Variants in HDX observed in about 807,000 individuals in gnomAD.
HDX encodes the protein chromosome X open reading frame 43.
HDX carries 19 observed loss-of-function variants against 45.2 expected under a neutral mutation model. The ratio of observed to expected loss-of-function variants is 0.42; its 90% CI spans 0.29 to 0.62. HDX has a LOEUF of 0.62. HDX is among the 20% of genes least tolerant of loss of function. The pLI is 0.20. For missense variants in HDX, 532 were observed against 493.9 expected, an observed-to-expected ratio of 1.08 and a Z score of -0.73; for synonymous variants, 188 against 172.8, an observed-to-expected ratio of 1.09 and a Z score of -0.69.
chrX:84,366,304 C>T (rs1389542333), intron 5 of HDX, among the ~76,000 whole-genome samples: 2 of 111,439 alleles, frequency 1.8e-5, no homozygotes, highest in South Asian at 3.8e-4. Flanking sequence ...TCAAGGAGAA[C>T]TACAAACCAC....
chrX:84,369,924 T>C (rs1378088660), intron 5 of HDX, among the ~76,000 whole-genome samples: 2 of 112,300 alleles, frequency 1.8e-5, no homozygotes, highest in Admixed American at 1.9e-4. Context: ...ATCTTTGTGG[T>C]AGTTAATTTA....
At chrX:84,363,050 C>T (rs1011498617) in intron 5 of HDX, among the ~76,000 whole-genome samples, 6 of 111,079 alleles carry the variant, frequency 5.4e-5, no homozygotes, top group Non-Finnish European at 1.1e-4. Flanking sequence ...TGTGTGTGTG[C>T]GAATAAATTT....
chrX:84,331,788 G>A (rs1173037956), intron 9 of HDX, among the ~76,000 whole-genome samples: 1 of 111,481 alleles, frequency 9.0e-6, no homozygotes, highest in Non-Finnish European at 1.9e-5. Flanking sequence ...ATTGCCTACA[G>A]TATTCAATAC....
intron 5 of HDX, among the ~76,000 whole-genome samples, chrX:84,394,951 T>C (rs2038525729): frequency 9.0e-6 from 1 of 111,391 alleles, no homozygotes; most frequent in South Asian, 3.7e-4. Context: ...TTATTCAGCA[T>C]GTCTACATCT....
chrX:84,385,435 A>G (rs1392411894), intron 5 of HDX, among the ~76,000 whole-genome samples: 18 of 107,138 alleles, frequency 1.7e-4, no homozygotes, highest in African/African-American at 4.1e-4. Flanking sequence ...GGATGGTCTC[A>G]ATCTCCTGAC....
chrX:84,447,270 T>C (rs1332959269), intron 4 of HDX, among the ~76,000 whole-genome samples: 1 of 111,073 alleles, frequency 9.0e-6, no homozygotes, highest in Non-Finnish European at 1.9e-5. Flanking sequence ...AAACAGCAAG[T>C]AGATAATCAC....
At chrX:84,334,342 CTAAT>C (rs2036909421) in intron 8 of HDX, among the ~76,000 whole-genome samples, 1 of 110,531 alleles carries the variant, frequency 9.0e-6, no homozygotes, top group South Asian at 3.8e-4. Context: ...AGCTTGACAA[CTAAT>C]TAAAAGCAGG....
At chrX:84,495,417 A>G (rs1179697686) in intron 1 of HDX, among the ~76,000 whole-genome samples, 1 of 111,597 alleles carries the variant, frequency 9.0e-6, no homozygotes, top group African/African-American at 3.3e-5. Flanking sequence ...CTGTTCCACA[A>G]TGTGTACATA....
chrX:84,434,837 G>T (rs2039585984), intron 5 of HDX, among the ~76,000 whole-genome samples: 1 of 110,982 alleles, frequency 9.0e-6, no homozygotes, highest in African/African-American at 3.3e-5. Context: ...ATTATTAACT[G>T]AATCTCATTA....
Position 84,346,865 on chromosome X carries a change from C to T in HDX, c.1453-2408G>A, listed in dbSNP as rs1232273594. ...AGAAATGGTAATAAAAAGCACAATC[C>T]ATAGAAGAAAAGTAACTTCTGGGTT... is the stretch of plus-strand genomic sequence containing the variant. On this transcript the variant is annotated intron_variant, in intron 6 of 10. Coordinates refer to ENST00000373177, the MANE Select transcript of HDX (RefSeq NM_001177479.2). Among the ~76,000 whole-genome samples the T allele has an allele frequency of 2.7e-5, 3 of 111,151 alleles. No individual in the cohort carries two copies. The East Asian group carries it at 8.5e-4, about 32-fold the overall frequency.
At chrX:84,496,982 C>T (rs756556117) in intron 1 of HDX, among the ~76,000 whole-genome samples, 5 of 111,091 alleles carry the variant, frequency 4.5e-5, no homozygotes, top group African/African-American at 1.6e-4. Context: ...ATGACTGGAT[C>T]ATGGGGGCGG....
chrX:84,435,340 T>C (rs1259069373), intron 5 of HDX, among the ~76,000 whole-genome samples: 1 of 111,614 alleles, frequency 9.0e-6, no homozygotes, highest in Non-Finnish European at 1.9e-5. Flanking sequence ...CATGTGTTTT[T>C]TGGCTGCATA....
At chrX:84,350,477 G>T (rs1423436747) in intron 6 of HDX, among the ~76,000 whole-genome samples, 6 of 111,353 alleles carry the variant, frequency 5.4e-5, no homozygotes, top group Non-Finnish European at 9.4e-5. Context: ...AGAATTTTTA[G>T]TTGTTGCTTC....
chrX:84,380,146 C>G (rs142884293), intron 5 of HDX, among the ~76,000 whole-genome samples: 3 of 109,608 alleles, frequency 2.7e-5, no homozygotes, highest in East Asian at 5.7e-4. Flanking sequence ...TACACACATA[C>G]AACCTACAAA....
At chrX:84,459,681 A>T (rs1017215124) in intron 4 of HDX, among the ~76,000 whole-genome samples, 3 of 111,193 alleles carry the variant, frequency 2.7e-5, no homozygotes, top group Non-Finnish European at 5.7e-5. Flanking sequence ...TTAGAAAAAA[A>T]AAATAAAAAT....
At chrX:84,331,898 C>A (rs941176118) in intron 9 of HDX, among the ~76,000 whole-genome samples, 1 of 111,584 alleles carries the variant, frequency 9.0e-6, no homozygotes, top group South Asian at 3.7e-4. Context: ...TGTAAGTACA[C>A]TCTATGATGT....
intron 5 of HDX, among the ~76,000 whole-genome samples, chrX:84,362,059 C>T (rs1016717028): frequency 9.0e-6 from 1 of 111,054 alleles, no homozygotes; most frequent in Non-Finnish European, 1.9e-5. Flanking sequence ...AGTGTGTTGC[C>T]TTTTGATAAG....
At chrX:84,387,793 T>C (rs908484729) in intron 5 of HDX, among the ~76,000 whole-genome samples, 1 of 111,673 alleles carries the variant, frequency 9.0e-6, no homozygotes, top group African/African-American at 3.3e-5. Context: ...ATCTTTTAAG[T>C]GGGGGAATGT....
chrX:84,359,234 G>T (rs1009324565), intron 6 of HDX, among the ~76,000 whole-genome samples: 2 of 109,657 alleles, frequency 1.8e-5, no homozygotes, highest in African/African-American at 3.3e-5. Context: ...GGACCTGCAG[G>T]TTTGTTACAA....
Sources: gnomAD v4.1 joint callset for allele counts (sites outside exome capture counted in the v4.1 genomes callset) on GRCh38, gnomAD v4.1.1 for gene constraint, MANE v1.5 for transcripts, NCBI Gene and HGNC (gene_info 2026-07-23, HGNC 2026-07-21) for gene names.